EDEM1: variants seen among roughly 807,000 people sequenced by gnomAD.
EDEM1 encodes the protein ER degradation-enhancing alpha-mannosidase-like protein 1.
Under a neutral mutation model 74.4 loss-of-function variants are expected in EDEM1, and 67 were observed. The observed-to-expected ratio is 0.90, with a 90% CI of 0.74 to 1.10. EDEM1 has a LOEUF of 1.10. Ranked by LOEUF, EDEM1 falls within the 50% of genes least tolerant of loss-of-function variation. EDEM1 has a pLI of 0.00. For missense variants in EDEM1, 926 were observed against 851.6 expected, an observed-to-expected ratio of 1.09 and a Z score of -1.09; for synonymous variants, 382 against 335.9, an observed-to-expected ratio of 1.14 and a Z score of -1.50.
intron 10 of EDEM1, 100 bp from the exon 11 acceptor site, chr3:5,213,219 C>T: frequency 8.2e-7 from 1 of 1,223,082 alleles, no homozygotes; most frequent in Non-Finnish European, 1.1e-6. Context: ...GCATGAGGCC[C>T]AAGCAAATTC....
chr3:5,200,830 CA>C (rs980965104), intron 3 of EDEM1, among the ~76,000 whole-genome samples: 1 of 150,958 alleles, frequency 6.6e-6, no homozygotes, highest in African/African-American at 2.4e-5. Flanking sequence ...GCCAAAACAA[CA>C]AAAATTACTT....
chr3:5,199,827 G>C (rs901315323), intron 3 of EDEM1, 132 bp downstream of exon 3: 2 of 589,848 alleles, frequency 3.4e-6, no homozygotes, highest in Admixed American at 3.5e-5. Context: ...GGTGCAGTGT[G>C]CATTTTTCAT....
At chr3:5,207,941 GGTTGTCACTTTTGGGTTGGTT>G in intron 7 of EDEM1, 131 bp from the exon 8 acceptor site, 1 of 828,966 alleles carries the variant, frequency 1.2e-6, no homozygotes, top group East Asian at 2.7e-5. Context: ...TATTTGTCTG[GGTTGTCACTTTTGGGTTGGTT>G]TTGTCTTTAA....
chr3:5,209,137 C>G (rs996522854), intron 8 of EDEM1, among the ~76,000 whole-genome samples: 1 of 152,146 alleles, frequency 6.6e-6, no homozygotes, highest in Non-Finnish European at 1.5e-5. Context: ...ATTTATTCAA[C>G]AATTTTTTTA....
At chr3:5,196,943 T>TTTTTTG (rs2054975977) in intron 2 of EDEM1, among the ~76,000 whole-genome samples, 1 of 151,336 alleles carries the variant, frequency 6.6e-6, no homozygotes, top group African/African-American at 2.4e-5. Context: ...TTCTTTTTTT[T>TTTTTTG]TTTTTTGAGA....
At chr3:5,199,519 C>A in intron 2 of EDEM1, 73 bp from the exon 3 acceptor site, 1 of 1,090,832 alleles carries the variant, frequency 9.2e-7, no homozygotes, top group Non-Finnish European at 1.4e-6. Flanking sequence ...GGTGACGTGA[C>A]TGGGCTGCTG....
At chr3:5,209,114 A>G (rs903550100) in intron 8 of EDEM1, among the ~76,000 whole-genome samples, 1 of 152,214 alleles carries the variant, frequency 6.6e-6, no homozygotes. Context: ...AGCTAACACT[A>G]AGATTTGAAT....
chr3:5,195,264 G>A lies in EDEM1; in HGVS notation c.565G>A (p.Ala189Thr), dbSNP rs761113822. The change falls in exon 2 of 12, where the codon GCA (alanine) becomes ACA (threonine). Residue 189 changes from alanine (A) to threonine (T), a missense_variant. Ala to Thr is a moderately conservative substitution (Grantham distance 58, BLOSUM62 0). Coordinates refer to ENST00000256497, the MANE Select transcript of EDEM1 (RefSeq NM_014674.3). Reference sequence around the variant, plus strand: ...GAACTACTCATTGACTCTTGTTGATGCATTGGATACACTTGCAGTAAGTGT... The same window carrying A: ...GAACTACTCATTGACTCTTGTTGATACATTGGATACACTTGCAGTAAGTGT... ...LGNYSLTLVD[A>T]LDTLAIMGNS... is the part of the protein sequence containing the mutation. 1.3e-5 allele frequency: 21 copies of A among 1,565,456 alleles called. No homozygotes were observed. Among genetic ancestry groups the A allele is most frequent in the South Asian group, 2.4e-5 (2 of 84,152 alleles).
Position 5,218,726 on chromosome 3 carries a change from T to G in EDEM1, c.*2808T>G, listed in dbSNP as rs1446961107. 6.6e-6 allele frequency: 1 copy of G among 152,096 alleles called. No individual in the cohort carries two copies. Among genetic ancestry groups the G allele is most frequent in the Non-Finnish European group, 1.5e-5 (1 of 68,042 alleles). The allele number at this position is 152,096 out of a possible 1,614,324, so 9.4% of individuals were successfully genotyped here. A position where few individuals can be genotyped will look rare whatever the true frequency, so the allele number is the denominator to read the frequency against. On this transcript the variant is annotated 3_prime_UTR_variant, in exon 12 of 12. Transcript: ENST00000256497. ...AAATCATTACAGTAGCTTAGCTACTTTAGTTGATGTGACCGAGGAATCCCT... is the reference window on the plus strand; with the variant it reads ...AAATCATTACAGTAGCTTAGCTACTGTAGTTGATGTGACCGAGGAATCCCT...
chr3:5,215,727 A>G, intron 11 of EDEM1, 102 bp from the exon 12 acceptor site: 3 of 1,070,152 alleles, frequency 2.8e-6, no homozygotes, highest in South Asian at 2.6e-5. Context: ...TCCAAACGTC[A>G]GTAGTTCACA....
At chr3:5,190,706 G>A (rs2106585054) in intron 1 of EDEM1, among the ~76,000 whole-genome samples, 2 of 152,316 alleles carry the variant, frequency 1.3e-5, no homozygotes, top group Middle Eastern at 6.8e-3. Flanking sequence ...GAAGGGTTGT[G>A]CCCTGAGCTG....
chr3:5,188,901 T>TG (rs750003871), intron 1 of EDEM1, among the ~76,000 whole-genome samples: 18 of 152,166 alleles, frequency 1.2e-4, no homozygotes, highest in Non-Finnish European at 1.8e-4. Context: ...AGTTAGGTGG[T>TG]GGGGAGGGAA....
In EDEM1 at chr3:5,211,210, G is replaced by C; in HGVS notation, c.1674G>C (p.Leu558Phe). Residue 558 changes from leucine to phenylalanine, a missense_variant, in exon 10 of 12, where the codon TTG becomes TTC. Physicochemically the swap from Leu to Phe is conservative, Grantham distance 22. Coordinates refer to ENST00000256497, the MANE Select transcript of EDEM1 (RefSeq NM_014674.3). ...TTCTCAGTGAGACCTGTAAATATTT[G>C]TATCTGGTATGTGTGTTGCAAGATG... ...SFFLSETCKYLYLLFDEDNPV... is the reference protein window; with the variant it reads ...SFFLSETCKYFYLLFDEDNPV... The C allele has an allele frequency of 6.2e-7, 1 of 1,613,982 alleles. No homozygotes were observed. The highest frequency in any genetic ancestry group is 8.5e-7 in the Non-Finnish European group (1 of 1,179,878).
chr3:5,193,171 T>C (rs191941211), intron 1 of EDEM1, among the ~76,000 whole-genome samples: 15 of 152,304 alleles, frequency 9.8e-5, no homozygotes, highest in Non-Finnish European at 1.6e-4. Flanking sequence ...CTGATTACCA[T>C]CTAGCTTGGA....
At chr3:5,207,381 G>A in intron 7 of EDEM1, 108 bp downstream of exon 7, 1 of 1,487,834 alleles carries the variant, frequency 6.7e-7, no homozygotes, top group Non-Finnish European at 9.0e-7. Flanking sequence ...CTTTGGATTT[G>A]GGAGGTCACT....
In EDEM1 at chr3:5,205,179, A is replaced by G; in HGVS notation, c.1155A>G (p.Glu385=). The G allele has an allele frequency of 6.2e-7, 1 of 1,614,256 alleles. No homozygotes were observed. The highest frequency in any genetic ancestry group is 8.5e-7 in the Non-Finnish European group (1 of 1,180,040). The change falls in exon 6 of 12, where the codon GAA becomes GAG. Residue 385 remains glutamate (E), a synonymous_variant. Transcript: ENST00000256497. ...TGAAATCTTACATTCTCTTTGGAGA[A>G]AAAGAAGACCTAGAAATGTTTAATG... ...YLLKSYILFG[E]KEDLEMFNAA... is the part of the protein sequence containing the mutation.
chr3:5,211,366 A>T (rs981246500), intron 10 of EDEM1, 150 bp downstream of exon 10: 4 of 697,366 alleles, frequency 5.7e-6, no homozygotes, highest in African/African-American at 3.6e-5. Context: ...GAACCAAAGG[A>T]TATTACTATC....
At chr3:5,200,294 C>T (rs1036316244) in intron 3 of EDEM1, among the ~76,000 whole-genome samples, 1 of 152,106 alleles carries the variant, frequency 6.6e-6, no homozygotes, top group Non-Finnish European at 1.5e-5. Flanking sequence ...TCATGGTTTC[C>T]CTTTATAGTC....
chr3:5,215,864 G>T lies in EDEM1; in HGVS notation c.1920G>T (p.Leu640=). 1 of 1,612,952 alleles carries T rather than the reference G, an allele frequency of 6.2e-7. No homozygotes were observed. Among genetic ancestry groups the T allele is most frequent in the Non-Finnish European group, 8.5e-7 (1 of 1,179,580 alleles). ...NRVPDERRYS[L]PLKSIYMRQI... Reference sequence around the variant, plus strand: ...TACCTGATGAGAGGAGGTACTCCCTGCCCTTAAAGAGCATCTACATGCGAC... The same window carrying T: ...TACCTGATGAGAGGAGGTACTCCCTTCCCTTAAAGAGCATCTACATGCGAC... Residue 640 remains leucine (L), a synonymous_variant, in exon 12 of 12, where the codon CTG becomes CTT. Transcript: ENST00000256497.
Sources: gnomAD v4.1 joint callset for allele counts (sites outside exome capture counted in the v4.1 genomes callset) on GRCh38, gnomAD v4.1.1 for gene constraint, MANE v1.5 for transcripts, NCBI Gene and HGNC (gene_info 2026-07-23, HGNC 2026-07-21) for gene names.